Variants in NRG3 observed in about 807,000 individuals in gnomAD.
NRG3 encodes neuregulin 3.
A neutral mutation model predicts 66.9 loss-of-function variants in NRG3; 31 were observed. The ratio of observed to expected loss-of-function variants is 0.46; its 90% CI spans 0.35 to 0.63. The LOEUF (loss-of-function observed/expected upper bound fraction) is 0.63. Ranked by LOEUF, NRG3 falls within the 20% of genes least tolerant of loss-of-function variation. The pLI, the probability that NRG3 is intolerant of heterozygous loss-of-function variation, is 0.00. For missense variants in NRG3, 910 were observed against 878.9 expected (o/e 1.04, Z -0.45); for synonymous variants, 393 against 359.4 (o/e 1.09, Z -1.06).
chr10:82,940,128 G>C (rs559729290), intron 4 of NRG3, among the ~76,000 whole-genome samples: 1 of 152,144 alleles, frequency 6.6e-6, no homozygotes, highest in Non-Finnish European at 1.5e-5. Context: ...AATGCAGAAG[G>C]GAAGCTTGGG....
At chr10:82,634,940 C>A (rs1243115640) in intron 2 of NRG3, among the ~76,000 whole-genome samples, 1 of 152,062 alleles carries the variant, frequency 6.6e-6, no homozygotes, top group Non-Finnish European at 1.5e-5. Context: ...CAGTTGTGAC[C>A]AGGTTCATTG....
At chr10:82,791,299 GT>G (rs149307278) in intron 3 of NRG3, among the ~76,000 whole-genome samples, 88 of 144,380 alleles carry the variant, frequency 6.1e-4, no homozygotes, top group South Asian at 1.3e-3. Flanking sequence ...GTTTATTGCT[GT>G]TTTTTTTTTG....
intron 4 of NRG3, among the ~76,000 whole-genome samples, chr10:82,945,812 A>C (rs770743064): frequency 3.9e-5 from 6 of 152,186 alleles, no homozygotes; most frequent in Non-Finnish European, 1.5e-5. Flanking sequence ...TTTGAGGAAC[A>C]TATTGAAACC....
intron 2 of NRG3, among the ~76,000 whole-genome samples, chr10:82,402,943 A>C (rs1418206159): frequency 1.3e-5 from 2 of 152,238 alleles, no homozygotes; most frequent in African/African-American, 2.4e-5. Context: ...TGAGTTTTTA[A>C]CTTTTTTTAA....
chr10:82,360,906 T>C (rs2084094933), intron 2 of NRG3, among the ~76,000 whole-genome samples: 1 of 152,182 alleles, frequency 6.6e-6, no homozygotes, highest in South Asian at 2.1e-4. Flanking sequence ...TCTCATCATG[T>C]TTCCTCTGTA....
chr10:82,077,600 G>A (rs928182961), intron 1 of NRG3, among the ~76,000 whole-genome samples: 3 of 152,156 alleles, frequency 2.0e-5, no homozygotes, highest in Admixed American at 6.5e-5. Context: ...ACAGGAATGG[G>A]AGAGGAAATG....
rs1263111837 is a variant in NRG3, at chr10:82,779,550, T to C, written c.1027+40900T>C. Among the ~76,000 whole-genome samples, 8 of 152,310 alleles carry C rather than the reference T, an allele frequency of 5.3e-5. No individual in the cohort carries two copies. The East Asian group carries it at 1.5e-3, about 29-fold the overall frequency. ...CACCTCTAGTGAGACATCTTGATGA[T>C]GTCTCAAAAACTCTATCTTCCTATT... is the stretch of plus-strand genomic sequence containing the variant. On this transcript the variant is annotated intron_variant, in intron 3 of 8. Transcript: ENST00000372141.
chr10:82,865,479 T>C, intron 4 of NRG3, 42 bp downstream of exon 4: 2 of 1,592,732 alleles, frequency 1.3e-6, no homozygotes, highest in South Asian at 2.2e-5. Context: ...CTGGAAATGC[T>C]AAGCTTTATG....
intron 3 of NRG3, among the ~76,000 whole-genome samples, chr10:82,797,538 A>G (rs991215348): frequency 2.0e-5 from 3 of 152,054 alleles, no homozygotes; most frequent in Non-Finnish European, 4.4e-5. Flanking sequence ...CTCAGATTCA[A>G]AACTCCAGAA....
chr10:82,526,354 A>C (rs558843484), intron 2 of NRG3, among the ~76,000 whole-genome samples: 1 of 151,932 alleles, frequency 6.6e-6, no homozygotes, highest in Non-Finnish European at 1.5e-5. Context: ...TGAAAGTACA[A>C]ATTTGAAAGG....
intron 1 of NRG3, among the ~76,000 whole-genome samples, chr10:82,273,705 A>C (rs2134346481): frequency 6.6e-6 from 1 of 152,162 alleles, no homozygotes; most frequent in South Asian, 2.1e-4. Context: ...CCTAGGGAGA[A>C]CTTTGAAAGA....
chr10:82,418,221 G>C (rs1313100263), intron 2 of NRG3, among the ~76,000 whole-genome samples: 3 of 152,136 alleles, frequency 2.0e-5, no homozygotes. Flanking sequence ...GGGACTGACT[G>C]AGGTGTTGAA....
chr10:82,154,716 T>C lies in NRG3; in HGVS notation c.824-204023T>C, dbSNP rs1000057613. On this transcript the variant is annotated intron_variant, in intron 1 of 8. Coordinates refer to ENST00000372141, the MANE Select transcript of NRG3 (RefSeq NM_001010848.4). ...AATCCATAAGCACGGGATTTCTTTCTGTTTGTACATGTTGCCTTTAATTTA... is the reference window on the plus strand; with the variant it reads ...AATCCATAAGCACGGGATTTCTTTCCGTTTGTACATGTTGCCTTTAATTTA... Among the ~76,000 whole-genome samples the C allele has an allele frequency of 4.0e-5, 6 of 151,886 alleles. No individual in the cohort carries two copies. The East Asian group carries it at 5.8e-4, about 15-fold the overall frequency.
chr10:82,783,967 G>A (rs1370430254), intron 3 of NRG3, among the ~76,000 whole-genome samples: 3 of 151,772 alleles, frequency 2.0e-5, no homozygotes. Context: ...ATACTACAAG[G>A]CTACAGTAAC....
chr10:82,828,746 G>A (rs1003577505), intron 3 of NRG3, among the ~76,000 whole-genome samples: 2 of 152,108 alleles, frequency 1.3e-5, no homozygotes. Flanking sequence ...AAATAAGTTG[G>A]GAGTGGCTAT....
At chr10:82,385,297 C>T (rs1017543103) in intron 2 of NRG3, among the ~76,000 whole-genome samples, 4 of 152,042 alleles carry the variant, frequency 2.6e-5, no homozygotes, top group African/African-American at 7.2e-5. Flanking sequence ...GCTTCTTTTG[C>T]TGTGCAGAAG....
intron 3 of NRG3, among the ~76,000 whole-genome samples, chr10:82,814,096 C>A (rs959413112): frequency 5.3e-5 from 8 of 152,218 alleles, no homozygotes; most frequent in African/African-American, 1.2e-4. Flanking sequence ...ATCAGGATCT[C>A]CTTTGATGTA....
chr10:82,662,057 G>A (rs2052403959), intron 2 of NRG3, among the ~76,000 whole-genome samples: 1 of 152,156 alleles, frequency 6.6e-6, no homozygotes, highest in Non-Finnish European at 1.5e-5. Flanking sequence ...AGAGCCCAAA[G>A]CCAAATGCCC....
intron 2 of NRG3, among the ~76,000 whole-genome samples, chr10:82,376,137 G>T (rs1175491001): frequency 1.3e-5 from 2 of 152,122 alleles, no homozygotes; most frequent in Admixed American, 6.5e-5. Flanking sequence ...TCTAACAAGG[G>T]TCTGGGTTCC....
Sources: allele counts gnomAD v4.1 joint callset (sites outside exome capture counted in the v4.1 genomes callset), GRCh38; gene constraint gnomAD v4.1.1; transcripts MANE v1.5; gene names NCBI Gene and HGNC (gene_info 2026-07-23, HGNC 2026-07-21).